The following STAT6 variants were observed in gnomAD, a reference collection of about 807,000 sequenced individuals.
The protein encoded by STAT6 is STAT, interleukin4-induced.
STAT6 carries 45 observed loss-of-function variants against 106.3 expected under a neutral mutation model. That is an observed-to-expected ratio of 0.42 (90% CI 0.33 to 0.54). STAT6 has a LOEUF of 0.54. STAT6 is among the 20% of genes least tolerant of loss of function. The pLI is 0.06. For missense variants in STAT6, 797 were observed against 1,062.2 expected, an observed-to-expected ratio of 0.75 and a Z score of 3.47; for synonymous variants, 413 against 413.6, an observed-to-expected ratio of 1.00 and a Z score of 0.02.
At position 57,095,977 on chromosome 12, in the gene STAT6, A is replaced by G. The variant is rs2033388843; in HGVS notation, c.*595T>C. ...TATCAGAAGCCTCCACCTGGCTAAC[A>G]GGAATTTGGGGCTTTGGGAGATTTT... On this transcript the variant is annotated 3_prime_UTR_variant, in exon 22 of 22. Transcript: ENST00000300134. 1 of 152,876 alleles carries G rather than the reference A, an allele frequency of 6.5e-6. No homozygotes were observed. Among genetic ancestry groups the G allele is most frequent in the Non-Finnish European group, 1.5e-5 (1 of 68,524 alleles). The allele number at this position is 152,876 out of a possible 1,614,324, so 9.5% of individuals were successfully genotyped here.
chr12:57,104,418 G>T (rs1441585775), intron 11 of STAT6, 46 bp downstream of exon 11: 2 of 1,581,346 alleles, frequency 1.3e-6, no homozygotes, highest in Non-Finnish European at 8.6e-7. Flanking sequence ...GGCATTGGAG[G>T]AGGACTCGGG....
At chr12:57,098,753 G>A in intron 18 of STAT6, 39 bp downstream of exon 18, 1 of 1,598,096 alleles carries the variant, frequency 6.3e-7, no homozygotes. Context: ...TAGCCCATCT[G>A]CACAGACCAC....
At chr12:57,100,174 C>G (rs2033732372) in intron 13 of STAT6, 84 bp from the exon 14 acceptor site, 1 of 1,175,934 alleles carries the variant, frequency 8.5e-7, no homozygotes, top group East Asian at 2.6e-5. Context: ...TGTGAGTGCC[C>G]TCACGACAGA....
At chr12:57,110,814 C>T (rs2034540242) in intron 1 of STAT6, among the ~76,000 whole-genome samples, 1 of 152,120 alleles carries the variant, frequency 6.6e-6, no homozygotes. Context: ...GGAGGGGCGG[C>T]CACTTCCCCC....
intron 3 of STAT6, 24 bp downstream of exon 3, chr12:57,107,581 T>A: frequency 1.2e-6 from 2 of 1,607,290 alleles, no homozygotes; most frequent in Non-Finnish European, 1.7e-6. Flanking sequence ...CCACCCAGCC[T>A]TGTCCCCTCC....
In STAT6 at chr12:57,095,643, G is replaced by T. The variant is rs954740168; in HGVS notation, c.*929C>A. 1.3e-5 allele frequency: 2 copies of T among 152,194 alleles called. No individual in the cohort carries two copies. The highest frequency in any genetic ancestry group is 4.8e-5 in the African/African-American group (2 of 41,428). 9.4% of individuals were successfully genotyped at this position (152,194 alleles called of 1,614,324 possible). A position where few individuals can be genotyped will look rare whatever the true frequency, so the allele number is the denominator to read the frequency against. On this transcript the variant is annotated 3_prime_UTR_variant, in exon 22 of 22. Coordinates refer to ENST00000300134, the MANE Select transcript of STAT6 (RefSeq NM_003153.5). ...TCACCCTGGCTCCCAGGCAGCATTG[G>T]AGGTGTGGAGCCATACGTAGATGTC...
Position 57,105,225 on chromosome 12 carries a change from C to G in STAT6, c.927G>C (p.Pro309=). 6.2e-7 allele frequency: 1 copy of G among 1,614,094 alleles called. No individual in the cohort carries two copies. Among genetic ancestry groups the G allele is most frequent in the African/African-American group, 1.3e-5 (1 of 75,050 alleles). Residue 309 remains proline, a synonymous_variant, in exon 9 of 22, where the codon CCG becomes CCC. Coordinates refer to ENST00000300134, the MANE Select transcript of STAT6 (RefSeq NM_003153.5). ...CTGTCACCATGTCGGCCCTGACCAG[C>G]GGAGGCTTGGCTGGGGCCCCCAGGA... ...LRFLGAPAKP[P]LVRADMVTEK...
chr12:57,100,718 GAA>G lies in STAT6; in HGVS notation c.1513-630_1513-629del, dbSNP rs750444315. On this transcript the variant is annotated intron_variant, in intron 13 of 21. Transcript: ENST00000300134. ...AAAGAAAGAGAAAGAAAGAAAGAAA[GAA>G]AGAAAGAAAGAAAGAAAGAAAGAAA... The G allele has an allele frequency of 4.0e-4, 42 of 105,620 alleles. 2 individuals carry two copies. The highest frequency in any genetic ancestry group is 1.9e-3 in the African/African-American group (38 of 20,148). 6.5% of individuals were successfully genotyped at this position (105,620 alleles called of 1,614,324 possible). A position where few individuals can be genotyped will look rare whatever the true frequency, so the allele number is the denominator to read the frequency against.
chr12:57,107,444 C>A, intron 3 of STAT6, 130 bp from the exon 4 acceptor site: 1 of 1,296,572 alleles, frequency 7.7e-7, no homozygotes, highest in Non-Finnish European at 1.1e-6. Flanking sequence ...AGTTTTTGTG[C>A]ATTTGCATGC....
At position 57,106,203 on chromosome 12, in the gene STAT6, G is replaced by C. The variant is rs774936922; in HGVS notation, c.668C>G (p.Pro223Arg). 3 of 1,614,126 alleles carry C rather than the reference G, an allele frequency of 1.9e-6. No homozygotes were observed. Among genetic ancestry groups the C allele is most frequent in the Admixed American group, 1.7e-5 (1 of 60,026 alleles). ...NGAPFEESLA[P>R]LQERCESLVD... The stretch of plus-strand genomic sequence containing the variant: ...GCCCTAGCCCAACCTCTCCTGGAGT[G>C]GGGCCAGGCTCTCCTCAAACGGTGC... The change falls in exon 7 of 22, where the codon CCA (proline) becomes CGA (arginine). Residue 223 changes from proline to arginine, a missense_variant. Around this residue, in one of 4 missense-constraint regions of STAT6, gnomAD observed 336 missense variants for 429.8 expected, o/e 0.78. Transcript: ENST00000300134.
chr12:57,106,300 C>G lies in STAT6; in HGVS notation c.571G>C (p.Glu191Gln). ...TTCAGCACTAGGGCTTTGGCTGCCT[C>G]TAGCTCTCCAGTGGTCTCCTGCAGT... ...MLLQETTGEL[E>Q]AAKALVLKRI... Residue 191 changes from glutamate to glutamine, a missense_variant, in exon 7 of 22, where the codon GAG becomes CAG. Transcript: ENST00000300134. 3 of 1,614,280 alleles carry G rather than the reference C, an allele frequency of 1.9e-6. No individual in the cohort carries two copies. The highest frequency in any genetic ancestry group is 2.5e-6 in the Non-Finnish European group (3 of 1,180,048).
At chr12:57,102,995 TTTTTTTTTTTTTTTTTTTTA>T (rs2034047002) in intron 11 of STAT6, 74 bp from the exon 12 acceptor site, 1 of 300,038 alleles carries the variant, frequency 3.3e-6, no homozygotes, top group African/African-American at 5.0e-5. Flanking sequence ...TTTTTTTTTT[TTTTTTTTTTTTTTTTTTTTA>T]GATAGTATCT....
At position 57,105,573 on chromosome 12, in the gene STAT6, G is replaced by T; in HGVS notation, c.707C>A (p.Ser236Tyr). The change falls in exon 8 of 22, where the codon TCC (serine) becomes TAC (tyrosine). Residue 236 changes from serine to tyrosine, a missense_variant. By Grantham distance (144) the Ser-to-Tyr change is moderately radical (BLOSUM62 -2). This residue lies in a region of STAT6 where 336 missense variants were observed against 429.8 expected (regional missense o/e 0.78). Transcript: ENST00000300134. The stretch of plus-strand genomic sequence containing the variant: ...CGCCCCTACCTCCTGCTGTAGCTGG[G>T]AATAAATGTCCACCAGGCTTTCACA... ...ERCESLVDIY[S>Y]QLQQEVGAAG... is the part of the protein sequence containing the mutation. 1 of 1,613,932 alleles carries T rather than the reference G, an allele frequency of 6.2e-7. No individual in the cohort carries two copies. The highest frequency in any genetic ancestry group is 1.7e-4 in the Middle Eastern group (1 of 6,056).
At chr12:57,096,787 G>C (rs1301253555) in intron 21 of STAT6, 26 bp from the exon 22 acceptor site, 3 of 1,613,320 alleles carry the variant, frequency 1.9e-6, no homozygotes, top group East Asian at 2.2e-5. Context: ...AGAAGCAGTG[G>C]AGTAGGCATG....
intron 7 of STAT6, 63 bp from the exon 8 acceptor site, chr12:57,105,662 C>G: frequency 6.4e-7 from 1 of 1,567,976 alleles, no homozygotes; most frequent in Non-Finnish European, 8.7e-7. Flanking sequence ...CCCAGACCCC[C>G]TTCCCCTATA....
intron 10 of STAT6, 36 bp downstream of exon 10, chr12:57,104,690 G>C: frequency 6.2e-7 from 1 of 1,613,990 alleles, no homozygotes; most frequent in Non-Finnish European, 8.5e-7. Flanking sequence ...CAGTCTCCTA[G>C]TGGTGCCCCC....
rs1429593792 is a variant in STAT6 at position 57,105,380 on chromosome 12, C to A, written c.813-41G>T. 3 of 1,609,794 alleles carry A rather than the reference C, an allele frequency of 1.9e-6. No homozygotes were observed. In the African/African-American group the frequency reaches 4.0e-5, roughly 21 times the overall value. On this transcript the variant is annotated intron_variant, in intron 8 of 21. Transcript: ENST00000300134. The stretch of plus-strand genomic sequence containing the variant: ...ACACAAGGGGAGTTGGGGGCTAGGT[C>A]CCTGCTGGTGCCCTCCCCACAGCTC...
chr12:57,111,321 C>T lies in STAT6; in HGVS notation c.-214G>A, dbSNP rs1325985526. 6.6e-6 allele frequency: 1 copy of T among 151,270 alleles called. No individual in the cohort carries two copies. Among genetic ancestry groups the T allele is most frequent in the African/African-American group, 2.4e-5 (1 of 40,974 alleles). The allele number at this position is 151,270 out of a possible 1,614,324, so 9.4% of individuals were successfully genotyped here. On this transcript the variant is annotated 5_prime_UTR_variant, in exon 1 of 22. Transcript: ENST00000300134. ...ACACACACACACACACACACACACT[C>T]CTCTCCCGTCCTCCCTCTTCAGTGT...
At chr12:57,098,743 T>A in intron 18 of STAT6, 49 bp downstream of exon 18, 1 of 1,585,440 alleles carries the variant, frequency 6.3e-7, no homozygotes, top group South Asian at 1.1e-5. Context: ...ATGCTAAGAT[T>A]AGCCCATCTG....
Sources: allele counts gnomAD v4.1 joint callset (sites outside exome capture counted in the v4.1 genomes callset), GRCh38; gene constraint gnomAD v4.1.1; regional missense constraint gnomAD v4.1.1; transcripts MANE v1.5; gene names NCBI Gene and HGNC (gene_info 2026-07-23, HGNC 2026-07-21).